Variants in PCNX3 observed in about 807,000 individuals in gnomAD.
PCNX3 encodes the protein pecanex-like protein 3.
In PCNX3, 58 loss-of-function variants were observed where a neutral mutation model predicts 207.2. That is an observed-to-expected ratio of 0.28 (90% CI 0.23 to 0.35). The LOEUF (loss-of-function observed/expected upper bound fraction) is 0.35. Ranked by LOEUF, PCNX3 falls within the 10% of genes least tolerant of loss-of-function variation. PCNX3 has a pLI of 1.00. For missense variants in PCNX3, 2,410 were observed against 2,774.4 expected, an observed-to-expected ratio of 0.87 and a Z score of 2.95; for synonymous variants, 1,337 against 1,183.5, an observed-to-expected ratio of 1.13 and a Z score of -2.66.
intron 26 of PCNX3, 50 bp downstream of exon 26, chr11:65,629,785 G>A (rs142447028): frequency 1.5e-5 from 23 of 1,527,842 alleles, no homozygotes; most frequent in Non-Finnish European, 1.9e-5. Flanking sequence ...CGGGCCTGAT[G>A]TGGGAGCTGT....
In PCNX3 at chr11:65,627,535, C is replaced by G; in HGVS notation, c.3655C>G (p.Gln1219Glu). 1 of 1,613,840 alleles carries G rather than the reference C, an allele frequency of 6.2e-7. No individual in the cohort carries two copies. Among genetic ancestry groups the G allele is most frequent in the South Asian group, 1.1e-5 (1 of 91,080 alleles). ...LFHFDYPRLS[Q>E]GFLLDYFLMS... ...CCACTTTGACTACCCGCGCCTCTCC[C>G]AGGGCTTTCTGCTTGACTACTTCCT... Residue 1219 changes from glutamine to glutamate, a missense_variant, in exon 22 of 35, where the codon CAG becomes GAG. Physicochemically the swap from Gln to Glu is conservative, Grantham distance 29. Coordinates refer to ENST00000355703, the MANE Select transcript of PCNX3 (RefSeq NM_032223.4).
chr11:65,617,898 G>C lies in PCNX3; in HGVS notation c.578-42G>C, dbSNP rs555836066. ...CCCTTAACCACTAGTTTGTTTTGCA[G>C]AAAACCCTTTTTTCATTTTCTGTTT... is the stretch of plus-strand genomic sequence containing the variant. On this transcript the variant is annotated intron_variant, in intron 5 of 34. Transcript: ENST00000355703. The C allele has an allele frequency of 4.6e-6, 7 of 1,530,362 alleles. No individual in the cohort carries two copies. The Admixed American group carries it at 1.5e-4, about 33-fold the overall frequency. 94.8% of individuals were successfully genotyped at this position (1,530,362 alleles called of 1,614,324 possible). A position where few individuals can be genotyped will look rare whatever the true frequency, so the allele number is the denominator to read the frequency against.
intron 8 of PCNX3, 148 bp downstream of exon 8, chr11:65,620,080 G>A (rs1288849873): frequency 1.0e-6 from 1 of 961,258 alleles, no homozygotes; most frequent in Non-Finnish European, 1.5e-6. Flanking sequence ...TTGAGGCACG[G>A]TGTCTCTGTC....
Position 65,619,624 on chromosome 11 carries a change from C to G in PCNX3, c.1793C>G (p.Pro598Arg), listed in dbSNP as rs1456539937. The change falls in exon 7 of 35, where the codon CCC becomes CGC. Residue 598 changes from proline (P) to arginine (R), a missense_variant. Pro to Arg is a moderately radical substitution (Grantham distance 103). Transcript: ENST00000355703. ...AGACGCCACAATGCAGGCAGCAACCCCACCCCTCCAGCCTCTGTCATGGGC... is the reference window on the plus strand; with the variant it reads ...AGACGCCACAATGCAGGCAGCAACCGCACCCCTCCAGCCTCTGTCATGGGC... ...IRRRHNAGSNPTPPASVMGSP... is the reference protein window; with the variant it reads ...IRRRHNAGSNRTPPASVMGSP... 1 of 1,603,014 alleles carries G rather than the reference C, an allele frequency of 6.2e-7. No individual in the cohort carries two copies. Among genetic ancestry groups the G allele is most frequent in the African/African-American group, 1.3e-5 (1 of 74,860 alleles).
chr11:65,625,165 C>T lies in PCNX3; in HGVS notation c.2920-6C>T. 1 of 1,600,428 alleles carries T rather than the reference C, an allele frequency of 6.2e-7. No homozygotes were observed. The highest frequency in any genetic ancestry group is 8.5e-7 in the Non-Finnish European group (1 of 1,173,056). On this transcript the variant is annotated splice_polypyrimidine_tract_variant and splice_region_variant and intron_variant, in intron 16 of 34. Coordinates refer to ENST00000355703, the MANE Select transcript of PCNX3 (RefSeq NM_032223.4). The surrounding 1 kb of genome is among the most constrained non-coding windows in gnomAD (Gnocchi z 5.6). ...CTCCCCTGACCAGCATGGATTCTCTCCGCAGACTCCGTGGCCAGAGCAGCA... is the reference window on the plus strand; with the variant it reads ...CTCCCCTGACCAGCATGGATTCTCTTCGCAGACTCCGTGGCCAGAGCAGCA...
In PCNX3 at chr11:65,627,571, C is replaced by T. The variant is rs921972291; in HGVS notation, c.3691C>T (p.Leu1231Phe). 1.2e-5 allele frequency: 19 copies of T among 1,613,712 alleles called. No individual in the cohort carries two copies. The highest frequency in any genetic ancestry group is 2.7e-5 in the African/African-American group (2 of 74,896). The change falls in exon 22 of 35, where the codon CTT (leucine) becomes TTT (phenylalanine). Residue 1231 changes from leucine (L) to phenylalanine (F), a missense_variant. Transcript: ENST00000355703. ...GCTTGACTACTTCCTCATGTCCCTG[C>T]TTTGCAGCAAGGTGAGTTGGTGGCT... ...FLLDYFLMSL[L>F]CSKLWDLLYK... is the part of the protein sequence containing the mutation.
chr11:65,619,809 C>G lies in PCNX3; in HGVS notation c.1885C>G (p.Leu629Val), dbSNP rs1400202040. 6 of 1,596,860 alleles carry G rather than the reference C, an allele frequency of 3.8e-6. No homozygotes were observed. The African/African-American group carries it at 5.3e-5, about 14-fold the overall frequency. The change falls in exon 8 of 35, where the codon CTG becomes GTG. Residue 629 changes from leucine (L) to valine (V), a missense_variant. By Grantham distance (32) the Leu-to-Val change is conservative. Around this residue, in one of 8 missense-constraint regions of PCNX3, gnomAD observed 1,104 missense variants for 970.3 expected, o/e 1.14. Coordinates refer to ENST00000355703, the MANE Select transcript of PCNX3 (RefSeq NM_032223.4). ...RAASHSRALT[L>V]PSALHFASSL... ...TGCCTCCCACTCCCGGGCGCTGACGCTGCCCTCTGCGCTGCATTTCGCCTC... is the reference window on the plus strand; with the variant it reads ...TGCCTCCCACTCCCGGGCGCTGACGGTGCCCTCTGCGCTGCATTTCGCCTC...
intron 21 of PCNX3, 85 bp downstream of exon 21, chr11:65,627,133 A>G (rs945586655): frequency 4.9e-5 from 70 of 1,431,814 alleles, no homozygotes; most frequent in Non-Finnish European, 6.4e-5. Flanking sequence ...GAGGGAATGA[A>G]TCATGTCTAA....
chr11:65,630,557 C>T lies in PCNX3; in HGVS notation c.4423C>T (p.Leu1475=). Residue 1475 remains leucine, a synonymous_variant, in exon 27 of 35, where the codon CTG becomes TTG. Coordinates refer to ENST00000355703, the MANE Select transcript of PCNX3 (RefSeq NM_032223.4). The stretch of plus-strand genomic sequence containing the variant: ...TAGTGACAATAATGCTGCCTCCATG[C>T]TGCAGGTTTTCGACCTCCGCAAGAT... The part of the protein sequence containing the change: ...SISDNNAASM[L]QVFDLRKILI... The T allele has an allele frequency of 2.5e-6, 4 of 1,613,382 alleles. No individual in the cohort carries two copies. The highest frequency in any genetic ancestry group is 3.4e-6 in the Non-Finnish European group (4 of 1,179,692).
chr11:65,623,264 T>G lies in PCNX3; in HGVS notation c.2358-227T>G, dbSNP rs1028919793. Among the ~76,000 whole-genome samples, 3 of 152,210 alleles carry G rather than the reference T, an allele frequency of 2.0e-5. No homozygotes were observed. The South Asian group carries it at 6.2e-4, about 32-fold the overall frequency. On this transcript the variant is annotated intron_variant, in intron 11 of 34. Transcript: ENST00000355703. ...CACCCTGAGCTCTCAGCCCTCAATG[T>G]CCAGAGCAGGCAAAGATTGGGAAGG...
chr11:65,635,496 G>A lies in PCNX3; in HGVS notation c.5185-33G>A. 1 of 1,607,208 alleles carries A rather than the reference G, an allele frequency of 6.2e-7. No homozygotes were observed. The highest frequency in any genetic ancestry group is 1.1e-5 in the South Asian group (1 of 90,848). ...TAAGCCCTGCCCCAAACCCCCTTGGGCCGGCCCCCTGACCCTGGCGTGTGG... is the reference window on the plus strand; with the variant it reads ...TAAGCCCTGCCCCAAACCCCCTTGGACCGGCCCCCTGACCCTGGCGTGTGG... On this transcript the variant is annotated intron_variant, in intron 31 of 34. Coordinates refer to ENST00000355703, the MANE Select transcript of PCNX3 (RefSeq NM_032223.4). The surrounding 1 kb of genome is among the most constrained non-coding windows in gnomAD (Gnocchi z 9.9).
At chr11:65,627,274 A>C in intron 21 of PCNX3, 131 bp from the exon 22 acceptor site, 1 of 1,190,580 alleles carries the variant, frequency 8.4e-7, no homozygotes, top group Non-Finnish European at 1.1e-6. Context: ...ACGGGCCCAA[A>C]AGAGCAGGGA....
chr11:65,616,239 A>G lies in PCNX3; in HGVS notation c.-73A>G, dbSNP rs909609564. The G allele has an allele frequency of 6.3e-6, 8 of 1,260,674 alleles. No individual in the cohort carries two copies. The Admixed American group carries it at 1.5e-4, about 23-fold the overall frequency. The allele number at this position is 1,260,674 out of a possible 1,614,324, so 78.1% of individuals were successfully genotyped here. On this transcript the variant is annotated 5_prime_UTR_variant, in exon 1 of 35. Coordinates refer to ENST00000355703, the MANE Select transcript of PCNX3 (RefSeq NM_032223.4). ...CCGGGCCCCGGGGCCCTCAGGCGCC[A>G]GACGGGGCATGGGCCGGGGGCCGCC... is the stretch of plus-strand genomic sequence containing the variant.
In PCNX3 at chr11:65,617,306, G is replaced by A. The variant is rs201898783; in HGVS notation, c.398G>A (p.Arg133His). 1.1e-5 allele frequency: 18 copies of A among 1,612,238 alleles called. No homozygotes were observed. The highest frequency in any genetic ancestry group is 1.5e-5 in the Non-Finnish European group (18 of 1,179,210). Residue 133 changes from arginine (R) to histidine (H), a missense_variant, in exon 3 of 35, where the codon CGC becomes CAC. By Grantham distance (29) the Arg-to-His change is conservative. Around this residue, in one of 8 missense-constraint regions of PCNX3, gnomAD observed 1,104 missense variants for 970.3 expected, o/e 1.14. Coordinates refer to ENST00000355703, the MANE Select transcript of PCNX3 (RefSeq NM_032223.4). The stretch of plus-strand genomic sequence containing the variant: ...AAAGTCAGTTCCACACCCCCGGTGC[G>A]CTGCAGCTCCCAGCACTCTGTGTTT... ...FRKVSSTPPV[R>H]CSSQHSVFGF...
rs556976619 is a variant in PCNX3, at chr11:65,616,306, G to C, written c.-6G>C. 2 of 1,564,400 alleles carry C rather than the reference G, an allele frequency of 1.3e-6. No individual in the cohort carries two copies. Among genetic ancestry groups the C allele is most frequent in the Admixed American group, 1.8e-5 (1 of 55,566 alleles). ...GAGGGGGGGCGCGGGCAGCAGCGGC[G>C]GGGCCATGGGGTCGCAGGTGTTGCA... On this transcript the variant is annotated 5_prime_UTR_variant, in exon 1 of 35. Transcript: ENST00000355703.
rs969818820 is a variant in PCNX3 at position 65,620,723 on chromosome 11, T to C, written c.2100-108T>C. The C allele has an allele frequency of 2.1e-6, 3 of 1,433,568 alleles. No homozygotes were observed. In the African/African-American group the frequency reaches 4.2e-5, roughly 20 times the overall value. 88.8% of individuals were successfully genotyped at this position (1,433,568 alleles called of 1,614,324 possible). A position where few individuals can be genotyped will look rare whatever the true frequency, so the allele number is the denominator to read the frequency against. On this transcript the variant is annotated intron_variant, in intron 9 of 34. Transcript: ENST00000355703. ...CAGCACTTGTCCCTTGAGCCCTGGTTGGTCTCGGCACAGACAGCCCTACCT... is the reference window on the plus strand; with the variant it reads ...CAGCACTTGTCCCTTGAGCCCTGGTCGGTCTCGGCACAGACAGCCCTACCT...
chr11:65,620,163 G>A (rs1855011049), intron 8 of PCNX3, among the ~76,000 whole-genome samples, 176 bp from the exon 9 acceptor site: 1 of 152,236 alleles, frequency 6.6e-6, no homozygotes. Flanking sequence ...TAGGACAGGT[G>A]ACTGCCGCGC....
chr11:65,618,536 A>G lies in PCNX3; in HGVS notation c.1174A>G (p.Ser392Gly). The G allele has an allele frequency of 1.2e-6, 2 of 1,611,208 alleles. No homozygotes were observed. The highest frequency in any genetic ancestry group is 1.7e-6 in the Non-Finnish European group (2 of 1,179,014). The change falls in exon 6 of 35, where the codon AGC becomes GGC. Residue 392 changes from serine to glycine, a missense_variant. Physicochemically the swap from Ser to Gly is moderately conservative, Grantham distance 56 (BLOSUM62 0). Coordinates refer to ENST00000355703, the MANE Select transcript of PCNX3 (RefSeq NM_032223.4). ...RPKDLALLRP[S>G]KRQPPLRRHS... is the part of the protein sequence containing the mutation. ...CAAGGACTTGGCCCTGCTACGGCCTAGCAAACGGCAGCCACCCCTGCGAAG... is the reference window on the plus strand; with the variant it reads ...CAAGGACTTGGCCCTGCTACGGCCTGGCAAACGGCAGCCACCCCTGCGAAG...
intron 10 of PCNX3, among the ~76,000 whole-genome samples, chr11:65,621,399 A>G (rs1855091517): frequency 6.6e-6 from 1 of 152,130 alleles, no homozygotes; most frequent in African/African-American, 2.4e-5. Flanking sequence ...GCGCTCTGTC[A>G]CTCTTAAGAA....
Sources: allele counts gnomAD v4.1 joint callset (sites outside exome capture counted in the v4.1 genomes callset), GRCh38; gene constraint gnomAD v4.1.1; regional missense constraint gnomAD v4.1.1; non-coding constraint Gnocchi (gnomAD v3.1); transcripts MANE v1.5; gene names NCBI Gene and HGNC (gene_info 2026-07-23, HGNC 2026-07-21).